The following RPL28 variants were observed in gnomAD, a reference collection of about 807,000 sequenced individuals.
RPL28 encodes ribosomal protein L28.
In RPL28, 4 loss-of-function variants were observed where a neutral mutation model predicts 12.5. The ratio of observed to expected loss-of-function variants is 0.32; its 90% CI spans 0.16 to 0.73. The LOEUF (loss-of-function observed/expected upper bound fraction) is 0.73, where lower values mean the gene tolerates loss of function less well. Among genes scored for constraint, RPL28 ranks in the 30% least tolerant of loss-of-function variants. RPL28 has a pLI of 0.66. For synonymous variants in RPL28, 91 were observed against 72.5 expected (o/e 1.26, Z -1.30); for missense variants, 214 against 197.7 (o/e 1.08, Z -0.49).
chr19:55,391,704 G>T lies in RPL28; in HGVS notation c.*3372G>T. Reference sequence around the variant, plus strand: ...CTCAGGGTTGATGAGAAGATTAAATGTGCAAAACCTGCTTGACTGTGCCCA... The same window carrying T: ...CTCAGGGTTGATGAGAAGATTAAATTTGCAAAACCTGCTTGACTGTGCCCA... On this transcript the variant is annotated 3_prime_UTR_variant, in exon 5 of 5. Coordinates refer to ENST00000344063, the MANE Select transcript of RPL28 (RefSeq NM_000991.5). 1 of 1,530,974 alleles carries T rather than the reference G, an allele frequency of 6.5e-7. No homozygotes were observed. The highest frequency in any genetic ancestry group is 8.8e-7 in the Non-Finnish European group (1 of 1,130,032). 94.8% of individuals were successfully genotyped at this position (1,530,974 alleles called of 1,614,324 possible). A position where few individuals can be genotyped will look rare whatever the true frequency, so the allele number is the denominator to read the frequency against.
At chr19:55,399,700 TTAATA>T (rs1365178051) in intron 4 of RPL28, 2 of 152,192 alleles carry the variant, frequency 1.3e-5, no homozygotes, top group African/African-American at 4.8e-5. Context: ...ACTGCTCCTA[TTAATA>T]CCCAGGAGAT....
In RPL28 at chr19:55,390,231, C is replaced by T. The variant is rs918089007; in HGVS notation, c.*1899C>T. Reference sequence around the variant, plus strand: ...ACTGGAGACTTTCTGGAGATGGAGTCTCGCTCTGTTGCCCAGGCTGGCGAG... The same window carrying T: ...ACTGGAGACTTTCTGGAGATGGAGTTTCGCTCTGTTGCCCAGGCTGGCGAG... On this transcript the variant is annotated 3_prime_UTR_variant, in exon 5 of 5. Transcript: ENST00000344063. 4 of 983,580 alleles carry T rather than the reference C, an allele frequency of 4.1e-6. No individual in the cohort carries two copies. The South Asian group carries it at 1.9e-4, about 46-fold the overall frequency. 60.9% of individuals were successfully genotyped at this position (983,580 alleles called of 1,614,324 possible).
chr19:55,387,025 G>A, intron 3 of RPL28: 1 of 1,442,196 alleles, frequency 6.9e-7, no homozygotes, highest in Non-Finnish European at 9.1e-7. Context: ...TCATCCCACA[G>A]GTGGGAAGAT....
chr19:55,401,184 G>A (rs2090054911), intron 4 of RPL28: 3 of 564,766 alleles, frequency 5.3e-6, no homozygotes, highest in Non-Finnish European at 9.3e-6. Flanking sequence ...TGCAGTCCAT[G>A]AGGCTTTACA....
downstream of RPL28, among the ~76,000 whole-genome samples, chr19:55,393,136 C>T (rs544817110): frequency 1.4e-5 from 2 of 139,536 alleles, no homozygotes; most frequent in East Asian, 2.0e-4. Context: ...CCACCGGCCT[C>T]CCACACCCGC....
Position 55,391,882 on chromosome 19 carries a change from T to C in RPL28, c.*3550T>C, listed in dbSNP as rs139493855. On this transcript the variant is annotated 3_prime_UTR_variant, in exon 5 of 5. Transcript: ENST00000344063. ...GCACCTGGAAGACATGCCAGATCCA[T>C]GTGCAGTAATGCCTGGTGGCTCCAG... 46 of 1,359,086 alleles carry C rather than the reference T, an allele frequency of 3.4e-5. No individual in the cohort carries two copies. The highest frequency in any genetic ancestry group is 2.5e-4 in the African/African-American group (17 of 67,834). The allele number at this position is 1,359,086 out of a possible 1,614,324, so 84.2% of individuals were successfully genotyped here.
downstream of RPL28, among the ~76,000 whole-genome samples, chr19:55,394,340 G>A (rs1277127498): frequency 1.3e-5 from 2 of 152,166 alleles, no homozygotes; most frequent in African/African-American, 4.8e-5. Context: ...GCTCACTGCA[G>A]CCTTGAACTC....
chr19:55,388,249 A>T lies in RPL28; in HGVS notation c.331A>T (p.Ile111Phe). ...KYRPDLRMAAIRRASAILRSQ... is the reference protein window; with the variant it reads ...KYRPDLRMAAFRRASAILRSQ... The stretch of plus-strand genomic sequence containing the variant: ...TCTGCTCCCCCGCCCCCAGGCAGCC[A>T]TCCGCAGGGCCAGCGCCATCCTGCG... Residue 111 changes from isoleucine (I) to phenylalanine (F), a missense_variant, in exon 5 of 5, where the codon ATC becomes TTC. Physicochemically the swap from Ile to Phe is conservative, Grantham distance 21 (BLOSUM62 0). Coordinates refer to ENST00000344063, the MANE Select transcript of RPL28 (RefSeq NM_000991.5). 1 of 1,553,240 alleles carries T rather than the reference A, an allele frequency of 6.4e-7. No homozygotes were observed. Among genetic ancestry groups the T allele is most frequent in the African/African-American group, 1.4e-5 (1 of 72,802 alleles).
intron 3 of RPL28, chr19:55,387,692 ATGG>A (rs1397752623): frequency 1.4e-6 from 2 of 1,397,872 alleles, no homozygotes; most frequent in African/African-American, 2.9e-5. Flanking sequence ...GAGTGTTTTC[ATGG>A]TGGACAGAAT....
At chr19:55,387,339 T>A (rs750621180) in intron 3 of RPL28, 8 of 1,551,594 alleles carry the variant, frequency 5.2e-6, no homozygotes, top group Middle Eastern at 1.7e-4. Context: ...AGGGTCCTTT[T>A]ACTCAGTGGC....
chr19:55,391,589 C>T lies in RPL28; in HGVS notation c.*3257C>T. 6.5e-7 allele frequency: 1 copy of T among 1,548,634 alleles called. No homozygotes were observed. The highest frequency in any genetic ancestry group is 1.2e-5 in the South Asian group (1 of 83,978). ...CATCTACTGGGTCAGGGCTCTGCTG[C>T]TCGGTGGCTGTGCAACCTTGGGCAA... On this transcript the variant is annotated 3_prime_UTR_variant, in exon 5 of 5. Transcript: ENST00000344063.
At position 55,391,590 on chromosome 19, in the gene RPL28, TCG is replaced by T; in HGVS notation, c.*3259_*3260del. ...ATCTACTGGGTCAGGGCTCTGCTGC[TCG>T]GTGGCTGTGCAACCTTGGGCAAGTT... is the stretch of plus-strand genomic sequence containing the variant. On this transcript the variant is annotated 3_prime_UTR_variant, in exon 5 of 5. Transcript: ENST00000344063. 6.5e-7 allele frequency: 1 copy of T among 1,548,928 alleles called. No individual in the cohort carries two copies. The highest frequency in any genetic ancestry group is 8.7e-7 in the Non-Finnish European group (1 of 1,144,614).
At position 55,401,467 on chromosome 19, in the gene RPL28, G is replaced by A. The variant is rs376584188; in HGVS notation, c.325-1476G>A. The A allele has an allele frequency of 1.8e-4, 286 of 1,607,086 alleles. No homozygotes were observed. The highest frequency in any genetic ancestry group is 3.5e-4 in the Admixed American group (21 of 59,722). The stretch of plus-strand genomic sequence containing the variant: ...CCGCCGCAGCGCCCGCTTCTTGTCC[G>A]TCTTTTTCTTGGCCGCCAGCTTCTT... On this transcript the variant is annotated intron_variant, in intron 4 of 4. Transcript: ENST00000560055.
In RPL28 at chr19:55,388,560, T is replaced by C; in HGVS notation, c.*228T>C. On this transcript the variant is annotated 3_prime_UTR_variant, in exon 5 of 5. Coordinates refer to ENST00000344063, the MANE Select transcript of RPL28 (RefSeq NM_000991.5). Reference sequence around the variant, plus strand: ...CTGGTGAGGGCAAGGGTCACTGTCTTCACAGAAAAAGTTTGCTGACTTGTG... The same window carrying C: ...CTGGTGAGGGCAAGGGTCACTGTCTCCACAGAAAAAGTTTGCTGACTTGTG... The C allele has an allele frequency of 8.0e-7, 1 of 1,253,202 alleles. No homozygotes were observed. The highest frequency in any genetic ancestry group is 1.0e-6 in the Non-Finnish European group (1 of 998,884). The allele number at this position is 1,253,202 out of a possible 1,614,324, so 77.6% of individuals were successfully genotyped here.
chr19:55,390,754 G>A lies in RPL28; in HGVS notation c.*2422G>A, dbSNP rs970227612. The A allele has an allele frequency of 4.8e-5, 47 of 985,366 alleles. No individual in the cohort carries two copies. The highest frequency in any genetic ancestry group is 1.2e-4 in the Admixed American group (2 of 16,262). The allele number at this position is 985,366 out of a possible 1,614,324, so 61.0% of individuals were successfully genotyped here. ...CCACGTCTGGTATCTGAATGCTATC[G>A]GTGGGTTGGGGTGGAGGAACCAGGA... On this transcript the variant is annotated 3_prime_UTR_variant, in exon 5 of 5. Transcript: ENST00000344063.
At position 55,386,674 on chromosome 19, in the gene RPL28, G is replaced by T; in HGVS notation, c.186G>T (p.Val62=). 1 of 1,614,170 alleles carries T rather than the reference G, an allele frequency of 6.2e-7. No homozygotes were observed. The highest frequency in any genetic ancestry group is 1.1e-5 in the South Asian group (1 of 91,084). Residue 62 remains valine (V), a synonymous_variant, in exon 3 of 5, where the codon GTG becomes GTT. Transcript: ENST00000344063. ...EPAADGKGVV[V]VIKRRSGQRK... is the part of the protein sequence containing the mutation. ...CAGCCGACGGCAAAGGTGTCGTGGT[G>T]GTCATTAAGCGGAGATCCGGTGAGT...
intron 3 of RPL28, chr19:55,387,052 A>G: frequency 7.0e-7 from 1 of 1,437,956 alleles, no homozygotes; most frequent in Non-Finnish European, 9.1e-7. Flanking sequence ...ACAACAGGGG[A>G]GGGGCCCTCG....
At chr19:55,399,050 C>T (rs1056111358) in intron 4 of RPL28, among the ~76,000 whole-genome samples, 5 of 151,470 alleles carry the variant, frequency 3.3e-5, no homozygotes, top group South Asian at 2.1e-4. Flanking sequence ...TGCAGTGGTA[C>T]GATCATAGCT....
rs2089979911 is a variant in RPL28, at chr19:55,390,465, A to G, written c.*2133A>G. 4 of 985,410 alleles carry G rather than the reference A, an allele frequency of 4.1e-6. No individual in the cohort carries two copies. The highest frequency in any genetic ancestry group is 4.7e-5 in the South Asian group (1 of 21,290). 61.0% of individuals were successfully genotyped at this position (985,410 alleles called of 1,614,324 possible). On this transcript the variant is annotated 3_prime_UTR_variant, in exon 5 of 5. Coordinates refer to ENST00000344063, the MANE Select transcript of RPL28 (RefSeq NM_000991.5). Reference sequence around the variant, plus strand: ...AATTACCCACCTGCCTCAGCCTCCCAAAGTGCTGGCATTACAGGCGCTCGA... The same window carrying G: ...AATTACCCACCTGCCTCAGCCTCCCGAAGTGCTGGCATTACAGGCGCTCGA...
Sources: gnomAD v4.1 joint callset for allele counts (sites outside exome capture counted in the v4.1 genomes callset) on GRCh38, gnomAD v4.1.1 for gene constraint, MANE v1.5 for transcripts, NCBI Gene and HGNC (gene_info 2026-07-23, HGNC 2026-07-21) for gene names.